ZZZ3: variants seen among roughly 807,000 people sequenced by gnomAD.
ZZZ3 encodes ZZ-type zinc finger-containing protein 3.
A neutral mutation model predicts 95.2 loss-of-function variants in ZZZ3; 22 were observed. The ratio of observed to expected loss-of-function variants is 0.23; its 90% CI spans 0.17 to 0.33. The LOEUF (loss-of-function observed/expected upper bound fraction) is 0.33. Among genes scored for constraint, ZZZ3 ranks in the 10% least tolerant of loss-of-function variants. The pLI, the probability that ZZZ3 is intolerant of heterozygous loss-of-function variation, is 1.00. For synonymous variants in ZZZ3, 335 were observed against 358.9 expected, an observed-to-expected ratio of 0.93 and a Z score of 0.75; for missense variants, 885 against 1,066.5, an observed-to-expected ratio of 0.83 and a Z score of 2.37.
intron 4 of ZZZ3, among the ~76,000 whole-genome samples, chr1:77,638,472 G>T (rs550599990): frequency 6.6e-6 from 1 of 151,974 alleles, no homozygotes; most frequent in Admixed American, 6.6e-5. Flanking sequence ...AACAAAAAAG[G>T]CCCACCTAAT....
At chr1:77,653,960 G>C (rs190721038) in intron 1 of ZZZ3, among the ~76,000 whole-genome samples, 1 of 151,986 alleles carries the variant, frequency 6.6e-6, no homozygotes, top group Admixed American at 6.6e-5. Flanking sequence ...AGGCCAAGGC[G>C]GGTGGATCAA....
chr1:77,639,066 G>A (rs986509758), intron 4 of ZZZ3, among the ~76,000 whole-genome samples: 11 of 73,860 alleles, frequency 1.5e-4, no homozygotes, highest in African/African-American at 2.8e-4. Flanking sequence ...ACAGATGGTC[G>A]GTAGGTAGGT....
chr1:77,619,347 T>A (rs1380302718), intron 5 of ZZZ3, among the ~76,000 whole-genome samples: 2 of 152,178 alleles, frequency 1.3e-5, no homozygotes, highest in Non-Finnish European at 2.9e-5. Context: ...CATGTCATTT[T>A]AAATTAATTG....
chr1:77,625,271 A>G (rs1310401737), intron 5 of ZZZ3, among the ~76,000 whole-genome samples: 1 of 152,204 alleles, frequency 6.6e-6, no homozygotes, highest in Non-Finnish European at 1.5e-5. Flanking sequence ...CTGGTAACTT[A>G]CATGAAACAC....
intron 12 of ZZZ3, among the ~76,000 whole-genome samples, chr1:77,570,090 T>C (rs1392607139): frequency 1.3e-5 from 2 of 152,120 alleles, no homozygotes; most frequent in African/African-American, 2.4e-5. Context: ...ATCTAAGTGT[T>C]ATCCTCAGTT....
chr1:77,574,967 C>T (rs956669591), intron 12 of ZZZ3, among the ~76,000 whole-genome samples: 1 of 152,146 alleles, frequency 6.6e-6, no homozygotes, highest in Non-Finnish European at 1.5e-5. Context: ...AGGCAGATCA[C>T]GAGGTCAGGA....
intron 11 of ZZZ3, among the ~76,000 whole-genome samples, chr1:77,577,646 G>A (rs1662093988): frequency 2.0e-5 from 3 of 152,174 alleles, no homozygotes; most frequent in South Asian, 2.1e-4. Flanking sequence ...CTCTTTATGA[G>A]AAAGATGTCA....
At chr1:77,669,453 AGTTT>A (rs1671544383) in intron 1 of ZZZ3, among the ~76,000 whole-genome samples, 1 of 146,194 alleles carries the variant, frequency 6.8e-6, no homozygotes, top group African/African-American at 2.6e-5. Flanking sequence ...TTTCTTTCTC[AGTTT>A]TTTTTTTTTT....
rs879823129 is a variant in ZZZ3, at chr1:77,563,904, T to C, written c.*1736A>G. The C allele has an allele frequency of 8.5e-5, 13 of 152,090 alleles. No homozygotes were observed. Among genetic ancestry groups the C allele is most frequent in the Non-Finnish European group, 1.6e-4 (11 of 67,990 alleles). The allele number at this position is 152,090 out of a possible 1,614,324, so 9.4% of individuals were successfully genotyped here. On this transcript the variant is annotated 3_prime_UTR_variant, in exon 15 of 15. Coordinates refer to ENST00000370801, the MANE Select transcript of ZZZ3 (RefSeq NM_015534.6). ...TATATTACTTTAAAATTCTCATATT[T>C]CTATATTTAAAATTCTATTACTTTT... is the stretch of plus-strand genomic sequence containing the variant.
In ZZZ3 at chr1:77,584,547, G is replaced by A. The variant is rs769485715; in HGVS notation, c.1614C>T (p.Pro538=). The A allele has an allele frequency of 2.0e-5, 32 of 1,612,058 alleles. No homozygotes were observed. Among genetic ancestry groups the A allele is most frequent in the Non-Finnish European group, 2.5e-5 (29 of 1,179,478 alleles). Residue 538 remains proline, a synonymous_variant, in exon 6 of 15, where the codon CCC becomes CCT. Transcript: ENST00000370801. ...TCTGGAGTTTTTCCACAAATCCAAT[G>A]GGATTTTTCAGTGCTTCTCTCTGGT... ...GRHQREALKN[P]IGFVEKLQKK...
chr1:77,665,724 G>GA (rs1671186058), intron 1 of ZZZ3, among the ~76,000 whole-genome samples: 1 of 152,114 alleles, frequency 6.6e-6, no homozygotes, highest in Non-Finnish European at 1.5e-5. Context: ...TAAAGCTAGA[G>GA]AAAATATAAA....
intron 1 of ZZZ3, among the ~76,000 whole-genome samples, chr1:77,673,553 C>T (rs549727379): frequency 4.4e-4 from 67 of 152,176 alleles, no homozygotes; most frequent in African/African-American, 1.6e-3. Flanking sequence ...GCTGAGATCG[C>T]GCCACTGCAC....
At position 77,632,948 on chromosome 1, in the gene ZZZ3, G is replaced by C; in HGVS notation, c.407C>G (p.Pro136Arg). 6.2e-7 allele frequency: 1 copy of C among 1,614,090 alleles called. No homozygotes were observed. The highest frequency in any genetic ancestry group is 8.5e-7 in the Non-Finnish European group (1 of 1,180,016). ...EAPNSSEEDSPIKSDKESVEQ... is the reference protein window; with the variant it reads ...EAPNSSEEDSRIKSDKESVEQ... ...TACTGACTCCTTGTCTGATTTTATA[G>C]GAGAATCTTCTTCTGAACTGTTTGG... is the stretch of plus-strand genomic sequence containing the variant. The change falls in exon 5 of 15, where the codon CCT becomes CGT. Residue 136 changes from proline to arginine, a missense_variant. Transcript: ENST00000370801.
intron 1 of ZZZ3, among the ~76,000 whole-genome samples, chr1:77,643,196 T>C (rs1668947606): frequency 6.6e-6 from 1 of 152,024 alleles, no homozygotes; most frequent in South Asian, 2.1e-4. Flanking sequence ...AAAACCGATC[T>C]AAGTATTTTT....
At chr1:77,631,213 T>TAC (rs755530136) in intron 5 of ZZZ3, among the ~76,000 whole-genome samples, 1 of 152,208 alleles carries the variant, frequency 6.6e-6, no homozygotes, top group South Asian at 2.1e-4. Context: ...TATTTTAAGA[T>TAC]AGTCTTCCTT....
chr1:77,652,642 C>T (rs937452836), intron 1 of ZZZ3, among the ~76,000 whole-genome samples: 1 of 151,982 alleles, frequency 6.6e-6, no homozygotes, highest in African/African-American at 2.4e-5. Context: ...AAAACATGTA[C>T]AAAAATGTTC....
chr1:77,602,895 G>A (rs1402644854), intron 5 of ZZZ3, among the ~76,000 whole-genome samples: 2 of 151,770 alleles, frequency 1.3e-5, no homozygotes, highest in African/African-American at 4.8e-5. Context: ...GAGTCACCAC[G>A]CTCGGCTACA....
chr1:77,621,400 G>A (rs1338877716), intron 5 of ZZZ3, among the ~76,000 whole-genome samples: 3 of 150,100 alleles, frequency 2.0e-5, no homozygotes, highest in Non-Finnish European at 4.4e-5. Context: ...CCATGATTGT[G>A]TCACTGCACT....
chr1:77,631,599 C>T (rs922708660), intron 5 of ZZZ3, among the ~76,000 whole-genome samples: 7 of 151,978 alleles, frequency 4.6e-5, no homozygotes, highest in Non-Finnish European at 7.4e-5. Context: ...AAAAACACTA[C>T]CAACCATGTC....
Sources: allele counts gnomAD v4.1 joint callset (sites outside exome capture counted in the v4.1 genomes callset), GRCh38; gene constraint gnomAD v4.1.1; transcripts MANE v1.5; gene names NCBI Gene and HGNC (gene_info 2026-07-23, HGNC 2026-07-21).